Variants in GREB1L observed in about 807,000 individuals in gnomAD.
GREB1L encodes GREB1 like retinoic acid receptor coactivator.
In GREB1L, 17 loss-of-function variants were observed where a neutral mutation model predicts 200.8. That is an observed-to-expected ratio of 0.08 (90% CI 0.06 to 0.13). The LOEUF (loss-of-function observed/expected upper bound fraction) is 0.13, where lower values mean the gene tolerates loss of function less well. Ranked by LOEUF, GREB1L falls within the 10% of genes least tolerant of loss-of-function variation. The pLI is 1.00. For missense variants in GREB1L, 1,657 were observed against 2,367.7 expected (o/e 0.70, Z 6.23); for synonymous variants, 789 against 893.0 (o/e 0.88, Z 2.08).
chr18:21,284,177 T>C (rs542655451), intron 1 of GREB1L, among the ~76,000 whole-genome samples: 88 of 152,318 alleles, frequency 5.8e-4, no homozygotes, highest in Middle Eastern at 6.8e-3. Flanking sequence ...AAAAAAGCTC[T>C]ATTGAGCTAT....
At chr18:21,456,704 C>G (rs1411448670) in intron 15 of GREB1L, among the ~76,000 whole-genome samples, 1 of 152,116 alleles carries the variant, frequency 6.6e-6, no homozygotes, top group East Asian at 1.9e-4. Flanking sequence ...TTGGAAATAT[C>G]GACCTGTAGG....
rs141934794 is a variant in GREB1L at position 21,370,393 on chromosome 18, C to G, written c.-10+4257C>G. Among the ~76,000 whole-genome samples, 170 of 152,112 alleles carry G rather than the reference C, an allele frequency of 1.1e-3. 1 individual carries two copies. The Middle Eastern group carries it at 0.014, about 12-fold the overall frequency. ...CTCAGAGAGCACAAAAGAGAAAGAA[C>G]AAAAATATGTAATAGTTTAATATTT... On this transcript the variant is annotated intron_variant, in intron 2 of 32. Transcript: ENST00000424526.
chr18:21,462,761 T>C (rs2145578431), intron 15 of GREB1L, among the ~76,000 whole-genome samples: 1 of 152,316 alleles, frequency 6.6e-6, no homozygotes, highest in East Asian at 1.9e-4. Context: ...AATGAAAAAG[T>C]TCATCTATGG....
At chr18:21,445,499 GA>G (rs1284414237) in intron 11 of GREB1L, among the ~76,000 whole-genome samples, 2 of 151,664 alleles carry the variant, frequency 1.3e-5, no homozygotes, top group African/African-American at 2.4e-5. Context: ...GAAAAGAAAA[GA>G]AAAAAATATT....
chr18:21,448,025 T>G (rs1380908903), intron 11 of GREB1L, among the ~76,000 whole-genome samples: 3 of 151,760 alleles, frequency 2.0e-5, no homozygotes, highest in Non-Finnish European at 4.4e-5. Context: ...TAGCCAGGCA[T>G]GTTGGGCATG....
chr18:21,473,082 C>G lies in GREB1L; in HGVS notation c.2234C>G (p.Ala745Gly). Residue 745 changes from alanine to glycine, a missense_variant, in exon 16 of 33, where the codon GCA becomes GGA. Ala to Gly is a moderately conservative substitution (Grantham distance 60). Coordinates refer to ENST00000424526, the MANE Select transcript of GREB1L (RefSeq NM_001142966.3). ...GAAAATGGGACAGCCCATCAGAGAGCAGAAAAATATGTTGTTCGTCTAGAC... is the reference window on the plus strand; with the variant it reads ...GAAAATGGGACAGCCCATCAGAGAGGAGAAAAATATGTTGTTCGTCTAGAC... The part of the protein sequence containing the change: ...LEENGTAHQR[A>G]EKYVVRLDNE... 1 of 1,549,938 alleles carries G rather than the reference C, an allele frequency of 6.5e-7. No homozygotes were observed. The highest frequency in any genetic ancestry group is 8.7e-7 in the Non-Finnish European group (1 of 1,146,186).
intron 15 of GREB1L, among the ~76,000 whole-genome samples, chr18:21,463,068 T>C (rs993362987): frequency 2.0e-5 from 3 of 151,430 alleles, no homozygotes; most frequent in Non-Finnish European, 4.4e-5. Context: ...GGAGTATTAC[T>C]GATAATCTTA....
intron 7 of GREB1L, among the ~76,000 whole-genome samples, chr18:21,420,671 C>G (rs2144863258): frequency 6.6e-6 from 1 of 152,222 alleles, no homozygotes; most frequent in African/African-American, 2.4e-5. Flanking sequence ...GGTGGTAGAA[C>G]TCTAATGCAG....
At chr18:21,250,867 T>C (rs1038491877) in intron 1 of GREB1L, among the ~76,000 whole-genome samples, 6 of 152,216 alleles carry the variant, frequency 3.9e-5, no homozygotes, top group African/African-American at 1.4e-4. Context: ...TTTCCTCTTG[T>C]TTCCTTTCTT....
Position 21,300,280 on chromosome 18 carries a change from G to A in GREB1L, c.-120+57887G>A, listed in dbSNP as rs558030562. Among the ~76,000 whole-genome samples, 9 of 152,172 alleles carry A rather than the reference G, an allele frequency of 5.9e-5. No individual in the cohort carries two copies. The South Asian group carries it at 1.2e-3, about 21-fold the overall frequency. On this transcript the variant is annotated intron_variant, in intron 1 of 32. Transcript: ENST00000424526. ...CTGACTTCAAGTGACATTCCTTCACGGATTTCCCACTATTCATCACCTGAA... is the reference window on the plus strand; with the variant it reads ...CTGACTTCAAGTGACATTCCTTCACAGATTTCCCACTATTCATCACCTGAA...
At chr18:21,350,651 G>A (rs1265680157) in intron 1 of GREB1L, among the ~76,000 whole-genome samples, 1 of 152,090 alleles carries the variant, frequency 6.6e-6, no homozygotes, top group East Asian at 1.9e-4. Flanking sequence ...GATTTTTCTA[G>A]CTTGGGAGCA....
chr18:21,370,724 A>G (rs2143733390), intron 2 of GREB1L, among the ~76,000 whole-genome samples: 1 of 152,302 alleles, frequency 6.6e-6, no homozygotes, highest in Admixed American at 6.5e-5. Context: ...TCTCTCAATC[A>G]TTGTACATAC....
intron 1 of GREB1L, among the ~76,000 whole-genome samples, chr18:21,332,618 G>T (rs1315091259): frequency 6.6e-6 from 1 of 152,084 alleles, no homozygotes; most frequent in East Asian, 1.9e-4. Flanking sequence ...GAGATTACAG[G>T]TGCCTATCAC....
chr18:21,483,181 G>A (rs1011551284), intron 17 of GREB1L, among the ~76,000 whole-genome samples: 8 of 152,188 alleles, frequency 5.3e-5, no homozygotes, highest in African/African-American at 1.7e-4. Context: ...TGGATGCAAG[G>A]CGGATGCATC....
At chr18:21,382,993 T>A (rs936843025) in intron 2 of GREB1L, among the ~76,000 whole-genome samples, 1 of 152,154 alleles carries the variant, frequency 6.6e-6, no homozygotes. Context: ...TTGAAAACGC[T>A]CGTCTTGCTT....
Position 21,439,547 on chromosome 18 carries a change from G to A in GREB1L, c.859G>A (p.Gly287Arg). The change falls in exon 8 of 33, where the codon GGA (glycine) becomes AGA (arginine). Residue 287 changes from glycine to arginine, a missense_variant. By Grantham distance (125) the Gly-to-Arg change is moderately radical (BLOSUM62 -2). Around this residue, in one of 9 missense-constraint regions of GREB1L, gnomAD observed 289 missense variants for 345.1 expected, o/e 0.84. Coordinates refer to ENST00000424526, the MANE Select transcript of GREB1L (RefSeq NM_001142966.3). The stretch of plus-strand genomic sequence containing the variant: ...TGCTGCTAATGGAAACAGTAGCCAT[G>A]GAGGGAAGGGCAGTGCATCCAGCTC... Reference protein sequence around the residue: ...TDAANGNSSHGGKGSASSSTP... With the variant: ...TDAANGNSSHRGKGSASSSTP... 6.4e-7 allele frequency: 1 copy of A among 1,550,440 alleles called. No individual in the cohort carries two copies. The highest frequency in any genetic ancestry group is 8.7e-7 in the Non-Finnish European group (1 of 1,145,610).
chr18:21,358,500 G>A (rs554487240), intron 1 of GREB1L, among the ~76,000 whole-genome samples: 90 of 152,094 alleles, frequency 5.9e-4, no homozygotes, highest in East Asian at 1.9e-3. Context: ...TATTTTTAGT[G>A]GAGATGGGGT....
At chr18:21,463,164 G>A (rs1598882385) in intron 15 of GREB1L, among the ~76,000 whole-genome samples, 1 of 38,992 alleles carries the variant, frequency 2.6e-5, no homozygotes, top group Admixed American at 3.2e-4. Context: ...TTTTTTTTTT[G>A]AGATGGAGTC....
intron 32 of GREB1L, among the ~76,000 whole-genome samples, chr18:21,521,539 CTTA>C (rs1335909002): frequency 6.6e-6 from 1 of 152,024 alleles, no homozygotes; most frequent in Non-Finnish European, 1.5e-5. Context: ...CATTCATTCA[CTTA>C]TTTATTTATT....
Sources: allele counts gnomAD v4.1 joint callset (sites outside exome capture counted in the v4.1 genomes callset), GRCh38; gene constraint gnomAD v4.1.1; regional missense constraint gnomAD v4.1.1; transcripts MANE v1.5; gene names NCBI Gene and HGNC (gene_info 2026-07-23, HGNC 2026-07-21).